The following EXOSC10 variants were observed in gnomAD, a reference collection of about 807,000 sequenced individuals.
EXOSC10 encodes exosome complex component 10.
In EXOSC10, 94 loss-of-function variants were observed where a neutral mutation model predicts 126.6. The observed-to-expected ratio is 0.74, with a 90% confidence interval of 0.63 to 0.88. The LOEUF is 0.88. EXOSC10 is among the 40% of genes least tolerant of loss of function. The pLI is 0.00. For synonymous variants in EXOSC10, 395 were observed against 400.8 expected (o/e 0.99, Z 0.17); for missense variants, 1,041 against 1,100.5 (o/e 0.95, Z 0.77).
rs1386924993 is a variant in EXOSC10 at position 11,077,620 on chromosome 1, C to T, written c.1781G>A (p.Gly594Glu). The T allele has an allele frequency of 3.7e-6, 6 of 1,613,054 alleles. No individual in the cohort carries two copies. Among genetic ancestry groups the T allele is most frequent in the Non-Finnish European group, 5.1e-6 (6 of 1,179,294 alleles). The change falls in exon 15 of 25, where the codon GGA becomes GAA. Residue 594 changes from glycine to glutamate, a missense_variant. Around this residue, in one of 3 missense-constraint regions of EXOSC10, gnomAD observed 388 missense variants for 415.2 expected, o/e 0.93. Transcript: ENST00000376936. ...SEVAAGVKKS[G>E]PLPSAERLEN... ...CTCTACCTCAGCACTGGGCAGCGGT[C>T]CGCTCTTCTTCACTCCGGCTGCAAC...
Position 11,087,786 on chromosome 1 carries a change from C to A in EXOSC10, c.945+14G>T. The A allele has an allele frequency of 1.9e-6, 3 of 1,595,520 alleles. No individual in the cohort carries two copies. Among genetic ancestry groups the A allele is most frequent in the South Asian group, 2.3e-5 (2 of 88,492 alleles). ...AAAATGTAAAAATTTTACCCAGGGT[C>A]ATTTATAAGATACCTCCAAGTCAAC... On this transcript the variant is annotated intron_variant, in intron 8 of 24. Transcript: ENST00000376936.
intron 20 of EXOSC10, 143 bp from the exon 21 acceptor site, chr1:11,071,116 T>G: frequency 1.5e-6 from 1 of 674,484 alleles, no homozygotes; most frequent in Non-Finnish European, 2.5e-6. Flanking sequence ...GTCCCCCATC[T>G]CTGCAGGACA....
rs1640609986 is a variant in EXOSC10, at chr1:11,088,237, A to C, written c.759-39T>G. On this transcript the variant is annotated intron_variant, in intron 6 of 24. Coordinates refer to ENST00000376936, the MANE Select transcript of EXOSC10 (RefSeq NM_001001998.3). ...ACAAAAAGAGAAATCATTCTGATTA[A>C]TTCCATGATTCAAGGGAAAAATAAT... 7.5e-6 allele frequency: 11 copies of C among 1,473,866 alleles called. No homozygotes were observed. In the South Asian group the frequency reaches 1.1e-4, roughly 14 times the overall value. 91.3% of individuals were successfully genotyped at this position (1,473,866 alleles called of 1,614,324 possible). A position where few individuals can be genotyped will look rare whatever the true frequency, so the allele number is the denominator to read the frequency against.
In EXOSC10 at chr1:11,087,904, T is replaced by C; in HGVS notation, c.841A>G (p.Arg281Gly). The C allele has an allele frequency of 1.3e-5, 20 of 1,582,680 alleles. No individual in the cohort carries two copies. The highest frequency in any genetic ancestry group is 1.6e-5 in the Non-Finnish European group (19 of 1,153,784). Residue 281 changes from arginine to glycine, a missense_variant, in exon 8 of 25, where the codon AGA (arginine) becomes GGA (glycine). Arg to Gly is a moderately radical substitution (Grantham distance 125, BLOSUM62 -2). Coordinates refer to ENST00000376936, the MANE Select transcript of EXOSC10 (RefSeq NM_001001998.3). ...VLQKPQPQLY[R>G]PIEETPCHFI... Reference sequence around the variant, plus strand: ...TGGCATGGTGTCTCTTCTATAGGTCTGTATAACTGGATCAAGAGAATAGTA... The same window carrying C: ...TGGCATGGTGTCTCTTCTATAGGTCCGTATAACTGGATCAAGAGAATAGTA...
intron 10 of EXOSC10, 120 bp downstream of exon 10, chr1:11,082,568 C>G (rs1255210112): frequency 2.0e-6 from 3 of 1,522,516 alleles, no homozygotes; most frequent in Non-Finnish European, 2.6e-6. Context: ...TGGCGAAAAG[C>G]CTGATGCCAT....
At chr1:11,077,265 A>G (rs1639870031) in intron 16 of EXOSC10, 100 bp downstream of exon 16, 2 of 1,225,726 alleles carry the variant, frequency 1.6e-6, no homozygotes, top group Non-Finnish European at 2.3e-6. Flanking sequence ...TGCTGGCATT[A>G]CAGGCATAAG....
rs774052567 is a variant in EXOSC10 at position 11,070,987 on chromosome 1, A to G, written c.2243-14T>C. On this transcript the variant is annotated splice_polypyrimidine_tract_variant and intron_variant, in intron 20 of 24. Coordinates refer to ENST00000376936, the MANE Select transcript of EXOSC10 (RefSeq NM_001001998.3). The stretch of plus-strand genomic sequence containing the variant: ...GTTCCCGGGCAGCTGCAAGGGAGAG[A>G]ACTTGTCTCTGGAGTTGGTGAATCC... The G allele has an allele frequency of 1.1e-5, 17 of 1,612,628 alleles. No homozygotes were observed. In the South Asian group the frequency reaches 1.9e-4, roughly 18 times the overall value.
chr1:11,088,628 A>G (rs1282606390), intron 6 of EXOSC10, among the ~76,000 whole-genome samples: 4 of 152,240 alleles, frequency 2.6e-5, no homozygotes, highest in African/African-American at 9.6e-5. Flanking sequence ...ATCTGTATAA[A>G]AATCCTCAAC....
chr1:11,079,416 C>T (rs1485072015), intron 14 of EXOSC10, among the ~76,000 whole-genome samples: 7 of 135,804 alleles, frequency 5.2e-5, no homozygotes, highest in Admixed American at 7.4e-5. Flanking sequence ...TTTTTTGAGA[C>T]GGAGTCTCGC....
At position 11,079,774 on chromosome 1, in the gene EXOSC10, C is replaced by T; in HGVS notation, c.1686G>A (p.Val562=). The change falls in exon 14 of 25, where the codon GTG becomes GTA. Residue 562 remains valine, a synonymous_variant. Coordinates refer to ENST00000376936, the MANE Select transcript of EXOSC10 (RefSeq NM_001001998.3). ...IACCNPVPPL[V]RQQINEMHLL... ...GGTGCATTTCGTTGATCTGCTGCCG[C>T]ACAAGGGGCGGTACTGGGTTGCAGC... is the stretch of plus-strand genomic sequence containing the variant. 6.2e-7 allele frequency: 1 copy of T among 1,613,890 alleles called. No individual in the cohort carries two copies. The highest frequency in any genetic ancestry group is 8.5e-7 in the Non-Finnish European group (1 of 1,179,934).
intron 2 of EXOSC10, among the ~76,000 whole-genome samples, chr1:11,096,191 C>T (rs551869815): frequency 1.3e-5 from 2 of 152,152 alleles, no homozygotes; most frequent in South Asian, 4.2e-4. Context: ...GCCATGTTGG[C>T]CAGGCTGCTC....
intron 1 of EXOSC10, among the ~76,000 whole-genome samples, chr1:11,098,958 T>C (rs566693999): frequency 1.1e-4 from 17 of 152,330 alleles, no homozygotes; most frequent in African/African-American, 3.1e-4. Context: ...CTTATGAGCA[T>C]GACCGCCACA....
At position 11,099,334 on chromosome 1, in the gene EXOSC10, GGGA is replaced by G. The variant is rs564528728; in HGVS notation, c.111+384_111+386del. Among the ~76,000 whole-genome samples the G allele has an allele frequency of 1.8e-3, 280 of 152,338 alleles. 1 individual carries two copies. The highest frequency in any genetic ancestry group is 2.7e-3 in the Non-Finnish European group (183 of 68,022). ...GGAAGAGAAGGGCCATACTGGCCGC[GGGA>G]GGAGACAACTCCAGGCAAGTGTGGG... On this transcript the variant is annotated intron_variant, in intron 1 of 24. Coordinates refer to ENST00000376936, the MANE Select transcript of EXOSC10 (RefSeq NM_001001998.3).
chr1:11,099,272 G>C (rs867481464), intron 1 of EXOSC10, among the ~76,000 whole-genome samples: 1 of 152,208 alleles, frequency 6.6e-6, no homozygotes, highest in African/African-American at 2.4e-5. Context: ...TTTAACTCAG[G>C]GTTAAAAATT....
rs1382294442 is a variant in EXOSC10 at position 11,087,385 on chromosome 1, C to T, written c.1089+63G>A. 6.3e-6 allele frequency: 10 copies of T among 1,586,892 alleles called. No homozygotes were observed. In the East Asian group the frequency reaches 1.8e-4, roughly 28 times the overall value. On this transcript the variant is annotated intron_variant, in intron 9 of 24. Coordinates refer to ENST00000376936, the MANE Select transcript of EXOSC10 (RefSeq NM_001001998.3). ...TCTAGGTTGAAATAATGAAATAGTA[C>T]ACTGAAAAGCACTAAAAATCTTGTA...
intron 13 of EXOSC10, 79 bp downstream of exon 13, chr1:11,080,420 G>T: frequency 6.4e-7 from 1 of 1,562,102 alleles, no homozygotes; most frequent in African/African-American, 1.4e-5. Context: ...TTGGGTAATA[G>T]CAACCAGAAA....
At chr1:11,080,709 T>C in intron 12 of EXOSC10, 55 bp downstream of exon 12, 1 of 1,607,260 alleles carries the variant, frequency 6.2e-7, no homozygotes, top group South Asian at 1.1e-5. Flanking sequence ...TATTTACTTG[T>C]TATTAGATCT....
At chr1:11,091,213 A>T in intron 4 of EXOSC10, 34 bp from the exon 5 acceptor site, 1 of 1,572,292 alleles carries the variant, frequency 6.4e-7, no homozygotes, top group South Asian at 1.2e-5. Context: ...TTTATAACAC[A>T]GCAACTTGAT....
intron 5 of EXOSC10, 102 bp downstream of exon 5, chr1:11,090,912 G>T: frequency 8.3e-7 from 1 of 1,208,704 alleles, no homozygotes; most frequent in Non-Finnish European, 1.2e-6. Context: ...AACAAAGGAG[G>T]GTGGGCTCCC....
Sources: gnomAD v4.1 joint callset for allele counts (sites outside exome capture counted in the v4.1 genomes callset) on GRCh38, gnomAD v4.1.1 for gene constraint, gnomAD v4.1.1 regional missense constraint, MANE v1.5 for transcripts, NCBI Gene and HGNC (gene_info 2026-07-23, HGNC 2026-07-21) for gene names.